PCDHGB7: variants seen among roughly 807,000 people sequenced by gnomAD.
The protein encoded by PCDHGB7 is protocadherin gamma-B7.
PCDHGB7 carries 37 observed loss-of-function variants against 61.4 expected under a neutral mutation model. The observed-to-expected ratio is 0.60, with a 90% CI of 0.46 to 0.79. The LOEUF (loss-of-function observed/expected upper bound fraction) is 0.79, where lower values mean the gene tolerates loss of function less well. Ranked by LOEUF, PCDHGB7 falls within the 30% of genes least tolerant of loss-of-function variation. PCDHGB7 has a pLI of 0.00. For synonymous variants in PCDHGB7, 464 were observed against 503.5 expected (o/e 0.92, Z 1.05); for missense variants, 1,166 against 1,202.5 (o/e 0.97, Z 0.45).
Position 141,419,843 on chromosome 5 carries a change from C to T in PCDHGB7, c.1984C>T (p.Leu662=). 1 of 1,614,070 alleles carries T rather than the reference C, an allele frequency of 6.2e-7. No individual in the cohort carries two copies. Among genetic ancestry groups the T allele is most frequent in the Non-Finnish European group, 8.5e-7 (1 of 1,179,898 alleles). ...PPLSATATLH[L]VFADSLQEVL... is the part of the protein sequence containing the mutation. The stretch of plus-strand genomic sequence containing the variant: ...CCTTTCAGCCACTGCCACGCTGCAC[C>T]TGGTGTTCGCAGATAGCTTGCAAGA... The change falls in exon 1 of 4, where the codon CTG becomes TTG. Residue 662 remains leucine (L), a synonymous_variant. Coordinates refer to ENST00000398594, the MANE Select transcript of PCDHGB7 (RefSeq NM_018927.4).
intron 1 of PCDHGB7, chr5:141,479,772 G>A (rs904607838): frequency 1.3e-5 from 2 of 152,192 alleles, no homozygotes; most frequent in Non-Finnish European, 2.9e-5. Flanking sequence ...CATATCCTTA[G>A]ACAGGTAAAG....
intron 1 of PCDHGB7, among the ~76,000 whole-genome samples, chr5:141,492,165 C>T (rs932762928): frequency 1.4e-4 from 22 of 152,210 alleles, no homozygotes; most frequent in African/African-American, 4.8e-4. Context: ...TCCCTATCCC[C>T]GCATCACCCA....
Position 141,490,909 on chromosome 5 carries a change from G to C in PCDHGB7, c.2416-3898G>C. ...ATCTCTGCATGTGTTTGTCCTAGAC[G>C]AGAATGATAATGCCCCAGCTGTGCT... On this transcript the variant is annotated intron_variant, in intron 1 of 3. Coordinates refer to ENST00000398594, the MANE Select transcript of PCDHGB7 (RefSeq NM_018927.4). This position sits in a 1 kb window ranked among gnomAD's most constrained non-coding sequence, Gnocchi z 5.4. 1 of 1,613,744 alleles carries C rather than the reference G, an allele frequency of 6.2e-7. No individual in the cohort carries two copies. The highest frequency in any genetic ancestry group is 2.2e-5 in the East Asian group (1 of 44,870).
intron 1 of PCDHGB7, among the ~76,000 whole-genome samples, chr5:141,425,819 A>C (rs1183860957): frequency 6.6e-6 from 1 of 152,246 alleles, no homozygotes; most frequent in Non-Finnish European, 1.5e-5. Flanking sequence ...TTAGAAAAAA[A>C]CAAACTTTTA....
chr5:141,417,939 C>T lies in PCDHGB7; in HGVS notation c.80C>T (p.Pro27Leu). 1 of 1,612,862 alleles carries T rather than the reference C, an allele frequency of 6.2e-7. No homozygotes were observed. Among genetic ancestry groups the T allele is most frequent in the Non-Finnish European group, 8.5e-7 (1 of 1,179,280 alleles). ...LFPLLLPLFY[P>L]TLCEPIRYSI... is the part of the protein sequence containing the mutation. ...CCTTTGCTGCTGCCTTTGTTCTACC[C>T]CACGCTGTGTGAGCCGATCCGCTAC... The change falls in exon 1 of 4, where the codon CCC (proline) becomes CTC (leucine). Residue 27 changes from proline (P) to leucine (L), a missense_variant. Coordinates refer to ENST00000398594, the MANE Select transcript of PCDHGB7 (RefSeq NM_018927.4).
At chr5:141,462,800 A>C (rs1039129881) in intron 1 of PCDHGB7, among the ~76,000 whole-genome samples, 2 of 152,128 alleles carry the variant, frequency 1.3e-5, no homozygotes, top group Non-Finnish European at 2.9e-5. Flanking sequence ...TTGCATGTCT[A>C]ATAATGTTTT....
intron 1 of PCDHGB7, chr5:141,433,354 T>C: frequency 1.7e-6 from 1 of 602,322 alleles, no homozygotes; most frequent in Non-Finnish European, 2.9e-6. Flanking sequence ...CCACCTACTG[T>C]CTGCCTATCT....
At chr5:141,422,122 A>C in intron 1 of PCDHGB7, 1 of 1,601,714 alleles carries the variant, frequency 6.2e-7, no homozygotes, top group Non-Finnish European at 8.5e-7. Context: ...GGATTCACAA[A>C]CTGGAGAAGT....
At position 141,419,792 on chromosome 5, in the gene PCDHGB7, G is replaced by T. The variant is rs1379811891; in HGVS notation, c.1933G>T (p.Ala645Ser). Residue 645 changes from alanine to serine, a missense_variant, in exon 1 of 4, where the codon GCT becomes TCT. Transcript: ENST00000398594. ...KDSVRQRLLV[A>S]VRDGGQPPLS... ...CTCGGTCCGCCAGCGCCTGCTAGTCGCTGTAAGAGATGGAGGACAGCCACC... is the reference window on the plus strand; with the variant it reads ...CTCGGTCCGCCAGCGCCTGCTAGTCTCTGTAAGAGATGGAGGACAGCCACC... 15 of 1,613,924 alleles carry T rather than the reference G, an allele frequency of 9.3e-6. No individual in the cohort carries two copies. The highest frequency in any genetic ancestry group is 2.7e-5 in the African/African-American group (2 of 74,946).
At position 141,511,108 on chromosome 5, in the gene PCDHGB7, G is replaced by A; in HGVS notation, c.2725G>A (p.Asp909Asn). The A allele has an allele frequency of 6.2e-7, 1 of 1,614,244 alleles. No homozygotes were observed. The highest frequency in any genetic ancestry group is 2.2e-5 in the East Asian group (1 of 44,882). Residue 909 changes from aspartate (D) to asparagine (N), a missense_variant, in exon 4 of 4, where the codon GAT (aspartate) becomes AAT (asparagine). Physicochemically the swap from Asp to Asn is conservative, Grantham distance 23. Coordinates refer to ENST00000398594, the MANE Select transcript of PCDHGB7 (RefSeq NM_018927.4). ...ATLTNAAGKR[D>N]GKAPAGGNGN... Reference sequence around the variant, plus strand: ...ACTGACCAACGCAGCTGGCAAGCGGGATGGCAAGGCCCCAGCAGGTGGCAA... The same window carrying A: ...ACTGACCAACGCAGCTGGCAAGCGGAATGGCAAGGCCCCAGCAGGTGGCAA...
rs1241770239 is a variant in PCDHGB7 at position 141,420,056 on chromosome 5, T to C, written c.2197T>C (p.Ser733Pro). ...AGACTGCTTTGAGTCAGTTCTCTGC[T>C]CCAAGTCCGGACCTGTGGGTCCCCC... ...AGDCFESVLC[S>P]KSGPVGPPNY... Residue 733 changes from serine to proline, a missense_variant, in exon 1 of 4, where the codon TCC becomes CCC. Transcript: ENST00000398594. 1 of 1,614,044 alleles carries C rather than the reference T, an allele frequency of 6.2e-7. No homozygotes were observed. Among genetic ancestry groups the C allele is most frequent in the Admixed American group, 1.7e-5 (1 of 60,028 alleles).
At chr5:141,439,190 CAA>C (rs200519543) in intron 1 of PCDHGB7, among the ~76,000 whole-genome samples, 3 of 111,702 alleles carry the variant, frequency 2.7e-5, no homozygotes, top group Non-Finnish European at 4.0e-5. Flanking sequence ...GAGACTCTGA[CAA>C]AAAAAAAAAA....
intron 1 of PCDHGB7, among the ~76,000 whole-genome samples, chr5:141,456,538 A>T (rs1010588747): frequency 7.2e-5 from 11 of 152,184 alleles, no homozygotes; most frequent in Admixed American, 3.3e-4. Context: ...TTAAAGAGGG[A>T]TTGTAGCCAC....
intron 1 of PCDHGB7, among the ~76,000 whole-genome samples, chr5:141,454,657 C>T (rs554561906): frequency 5.1e-4 from 77 of 152,192 alleles, no homozygotes; most frequent in African/African-American, 1.7e-3. Flanking sequence ...CTGCCCACCT[C>T]GGCCTCCCAA....
At chr5:141,421,322 T>A (rs774885270) in intron 1 of PCDHGB7, 1 of 1,613,864 alleles carries the variant, frequency 6.2e-7, no homozygotes, top group Non-Finnish European at 8.5e-7. Context: ...GCCAGGCAGA[T>A]CCGATATTCG....
At chr5:141,483,240 T>C (rs2099578643) in intron 1 of PCDHGB7, among the ~76,000 whole-genome samples, 2 of 151,742 alleles carry the variant, frequency 1.3e-5, no homozygotes, top group Non-Finnish European at 1.5e-5. Flanking sequence ...TGAACTGATA[T>C]GCATATATCA....
intron 1 of PCDHGB7, among the ~76,000 whole-genome samples, chr5:141,448,393 A>G (rs190525499): frequency 6.6e-6 from 1 of 152,306 alleles, no homozygotes; most frequent in Admixed American, 6.5e-5. Flanking sequence ...ATACATTTAC[A>G]TGGTTTTAAA....
intron 1 of PCDHGB7, chr5:141,427,265 C>A (rs767369457): frequency 6.6e-6 from 3 of 456,572 alleles, no homozygotes; most frequent in Non-Finnish European, 8.8e-6. Context: ...GCATGACCAG[C>A]GAATGTAAAA....
chr5:141,450,887 C>A (rs531604055), intron 1 of PCDHGB7, among the ~76,000 whole-genome samples: 1 of 148,582 alleles, frequency 6.7e-6, no homozygotes, highest in East Asian at 2.0e-4. Flanking sequence ...TGCAGTGGTG[C>A]GATATCGGCT....
Sources: allele counts gnomAD v4.1 joint callset (sites outside exome capture counted in the v4.1 genomes callset), GRCh38; gene constraint gnomAD v4.1.1; non-coding constraint Gnocchi (gnomAD v3.1); transcripts MANE v1.5; gene names NCBI Gene and HGNC (gene_info 2026-07-23, HGNC 2026-07-21).